The following PPFIA1 variants were observed in gnomAD, a reference collection of about 807,000 sequenced individuals.
The protein encoded by PPFIA1 is PPFI scaffold protein A1, also known as liprin-alpha-1.
A neutral mutation model predicts 149.9 loss-of-function variants in PPFIA1; 25 were observed. The ratio of observed to expected loss-of-function variants is 0.17; its 90% CI spans 0.12 to 0.23. The LOEUF (loss-of-function observed/expected upper bound fraction) is 0.23, where lower values mean the gene tolerates loss of function less well. Ranked by LOEUF, PPFIA1 falls within the 10% of genes least tolerant of loss-of-function variation. The probability of loss-of-function intolerance (pLI) is 1.00; values close to 1 mark genes in which losing one functional copy is unlikely to be tolerated. For synonymous variants in PPFIA1, 549 were observed against 552.8 expected, an observed-to-expected ratio of 0.99 and a Z score of 0.10; for missense variants, 1,362 against 1,506.5, an observed-to-expected ratio of 0.90 and a Z score of 1.59.
intron 2 of PPFIA1, among the ~76,000 whole-genome samples, chr11:70,293,495 T>G (rs1420696542): frequency 6.6e-6 from 1 of 152,196 alleles, no homozygotes; most frequent in Non-Finnish European, 1.5e-5. Flanking sequence ...AACCAATGGC[T>G]TTGAAACATA....
intron 2 of PPFIA1, among the ~76,000 whole-genome samples, chr11:70,286,206 G>A (rs975197914): frequency 1.3e-5 from 2 of 152,104 alleles, no homozygotes; most frequent in African/African-American, 4.8e-5. Context: ...CCCCGCATCC[G>A]TACCCCATCC....
Position 70,279,241 on chromosome 11 carries a change from T to A in PPFIA1, c.264+6805T>A. ...AACTGCAAATTGGCTCTCTTGTGAG[T>A]GGGAAGCTGCCTTTGTTGGCCTTTC... is the stretch of plus-strand genomic sequence containing the variant. On this transcript the variant is annotated intron_variant, in intron 2 of 27. Coordinates refer to ENST00000253925, the MANE Select transcript of PPFIA1 (RefSeq NM_003626.5). The A allele has an allele frequency of 9.2e-6, 3 of 327,306 alleles. No homozygotes were observed. In the South Asian group the frequency reaches 1.4e-4, roughly 15 times the overall value. The allele number at this position is 327,306 out of a possible 1,614,324, so 20.3% of individuals were successfully genotyped here.
At chr11:70,336,358 C>G (rs944036569) in intron 11 of PPFIA1, among the ~76,000 whole-genome samples, 6 of 152,178 alleles carry the variant, frequency 3.9e-5, no homozygotes, top group African/African-American at 1.4e-4. Flanking sequence ...AAAAATTAGC[C>G]AGGCCTGGGG....
intron 15 of PPFIA1, among the ~76,000 whole-genome samples, chr11:70,347,841 A>C (rs950176574): frequency 6.6e-6 from 1 of 151,978 alleles, no homozygotes; most frequent in Non-Finnish European, 1.5e-5. Flanking sequence ...GTGTCTACTA[A>C]AAATACGAAA....
intron 7 of PPFIA1, among the ~76,000 whole-genome samples, chr11:70,329,600 C>T (rs1376600201): frequency 2.0e-5 from 3 of 152,262 alleles, no homozygotes; most frequent in African/African-American, 7.2e-5. Flanking sequence ...GGGCGTGCCA[C>T]CATGCGTGGC....
intron 2 of PPFIA1, among the ~76,000 whole-genome samples, chr11:70,315,352 C>T (rs1046828552): frequency 4.6e-5 from 7 of 151,984 alleles, no homozygotes; most frequent in African/African-American, 1.7e-4. Flanking sequence ...TCCTGTCCCC[C>T]TTTTATCATT....
chr11:70,330,020 T>G, intron 7 of PPFIA1, 153 bp from the exon 8 acceptor site: 1 of 632,150 alleles, frequency 1.6e-6, no homozygotes, highest in Non-Finnish European at 2.6e-6. Context: ...GTGCTGTGAT[T>G]ATAGGAGTGA....
At chr11:70,344,810 A>G (rs2055584657) in intron 15 of PPFIA1, among the ~76,000 whole-genome samples, 1 of 152,170 alleles carries the variant, frequency 6.6e-6, no homozygotes, top group Non-Finnish European at 1.5e-5. Context: ...AGAGTCTGGT[A>G]GTGTGTGTGT....
rs2055168043 is a variant in PPFIA1 at position 70,339,313 on chromosome 11, T to A, written c.1707+7T>A. Reference sequence around the variant, plus strand: ...GCGAGATGAGCCTTCCAAGGCAAGGTCTTTGTGTGAAATACCTCTGCTTAC... The same window carrying A: ...GCGAGATGAGCCTTCCAAGGCAAGGACTTTGTGTGAAATACCTCTGCTTAC... On this transcript the variant is annotated splice_region_variant and intron_variant, in intron 14 of 27. Transcript: ENST00000253925. 1 of 1,611,012 alleles carries A rather than the reference T, an allele frequency of 6.2e-7. No homozygotes were observed. Among genetic ancestry groups the A allele is most frequent in the Non-Finnish European group, 8.5e-7 (1 of 1,177,720 alleles).
intron 10 of PPFIA1, among the ~76,000 whole-genome samples, chr11:70,335,181 C>T (rs939490817): frequency 6.6e-6 from 1 of 152,178 alleles, no homozygotes; most frequent in Non-Finnish European, 1.5e-5. Context: ...CACCCTTCCT[C>T]CCCAAATCCA....
At chr11:70,367,362 G>C (rs1565455504) in intron 21 of PPFIA1, 6 of 361,668 alleles carry the variant, frequency 1.7e-5, no homozygotes, top group Non-Finnish European at 3.3e-5. Context: ...AGACATCAAG[G>C]CGTGGTCAAA....
Position 70,279,449 on chromosome 11 carries a change from C to G in PPFIA1, c.264+7013C>G, listed in dbSNP as rs574188070. 7.2e-5 allele frequency among the ~76,000 whole-genome samples: 11 copies of G among 152,276 alleles called. No homozygotes were observed. The East Asian group carries it at 2.1e-3, about 29-fold the overall frequency. On this transcript the variant is annotated intron_variant, in intron 2 of 27. Coordinates refer to ENST00000253925, the MANE Select transcript of PPFIA1 (RefSeq NM_003626.5). ...TTCTTTGCTTCAGGCATTAGCAAAA[C>G]TTGGTATTTGTTGTATTGGTGGCCT...
At chr11:70,295,569 C>G (rs1369190549) in intron 2 of PPFIA1, among the ~76,000 whole-genome samples, 10 of 144,844 alleles carry the variant, frequency 6.9e-5, no homozygotes, top group Admixed American at 2.0e-4. Flanking sequence ...CTGACCCCCC[C>G]ACCTCCCTCC....
intron 16 of PPFIA1, chr11:70,349,884 G>C: frequency 2.2e-6 from 1 of 455,200 alleles, no homozygotes. Context: ...TCCGTCATTG[G>C]TTTTGATTTC....
intron 16 of PPFIA1, among the ~76,000 whole-genome samples, chr11:70,352,043 CCT>C (rs1211858728): frequency 6.6e-6 from 1 of 152,166 alleles, no homozygotes; most frequent in Non-Finnish European, 1.5e-5. Flanking sequence ...ATTCTGTGCC[CCT>C]GTTTGAAACC....
chr11:70,378,284 T>C, intron 26 of PPFIA1, 89 bp downstream of exon 26: 7 of 1,482,030 alleles, frequency 4.7e-6, no homozygotes, highest in Non-Finnish European at 6.3e-6. Context: ...AAACGGCCTA[T>C]TTAATATGTT....
In PPFIA1 at chr11:70,356,243, A is replaced by G. The variant is rs765935116; in HGVS notation, c.2571A>G (p.Lys857=). ...GGGGACAGGCTGAAAAAAATCGTAA[A>G]CTTCAAAAAAAGTAAGCTTTGTGTT... The part of the protein sequence containing the change: ...KLGGQAEKNR[K]LQKKHELLEE... The change falls in exon 19 of 28, where the codon AAA becomes AAG. Residue 857 remains lysine, a synonymous_variant. Transcript: ENST00000253925. The G allele has an allele frequency of 6.2e-7, 1 of 1,613,236 alleles. No individual in the cohort carries two copies. Among genetic ancestry groups the G allele is most frequent in the South Asian group, 1.1e-5 (1 of 90,920 alleles).
At chr11:70,278,836 G>A in intron 2 of PPFIA1, 1 of 393,406 alleles carries the variant, frequency 2.5e-6, no homozygotes. Flanking sequence ...CAGAGATATA[G>A]TTCACTGGAA....
intron 9 of PPFIA1, chr11:70,333,158 T>G (rs576989817): frequency 2.0e-6 from 1 of 504,596 alleles, no homozygotes; most frequent in Non-Finnish European, 3.9e-6. Flanking sequence ...CCATGCTTAC[T>G]AACCAGAAGC....
Sources: allele counts gnomAD v4.1 joint callset (sites outside exome capture counted in the v4.1 genomes callset), GRCh38; gene constraint gnomAD v4.1.1; transcripts MANE v1.5; gene names NCBI Gene and HGNC (gene_info 2026-07-23, HGNC 2026-07-21).